The following HEMK2 variants were observed in gnomAD, a reference collection of about 807,000 sequenced individuals.
The protein encoded by HEMK2 is HemK methyltransferase 2, ETF1 glutamine and histone H4 lysine.
the HEMK2 span, among the ~76,000 whole-genome samples, chr21:28,733,645 C>A: frequency 2.0e-5 from 3 of 152,104 alleles, no homozygotes; most frequent in African/African-American, 4.8e-5. Flanking sequence ...CCCACTCCCC[C>A]CAACCCCATT....
the HEMK2 span, among the ~76,000 whole-genome samples, chr21:28,773,025 T>C: frequency 2.0e-5 from 3 of 152,152 alleles, no homozygotes; most frequent in Non-Finnish European, 2.9e-5. Context: ...GTTTGTTCTT[T>C]TGGTTTGTTT....
the HEMK2 span, among the ~76,000 whole-genome samples, chr21:28,652,770 C>T: frequency 6.6e-6 from 1 of 151,850 alleles, no homozygotes; most frequent in African/African-American, 2.4e-5. Context: ...GATAAAAGAC[C>T]ACAGCATTTA....
the HEMK2 span, among the ~76,000 whole-genome samples, chr21:28,603,898 T>A: frequency 6.6e-6 from 1 of 152,180 alleles, no homozygotes; most frequent in Non-Finnish European, 1.5e-5. Context: ...GATTCCAGAG[T>A]GCATGTCTAC....
the HEMK2 span, among the ~76,000 whole-genome samples, chr21:28,684,062 C>G: frequency 1.3e-5 from 2 of 152,302 alleles, no homozygotes; most frequent in Admixed American, 1.3e-4. Context: ...CTCCCATCTT[C>G]TGTGCTATGC....
At chr21:28,687,797 C>G in the HEMK2 span, among the ~76,000 whole-genome samples, 175 of 152,222 alleles carry the variant, frequency 1.1e-3, 1 homozygote, top group African/African-American at 3.8e-3. Context: ...CCAGGAAAAG[C>G]TTAAGGATGG....
the HEMK2 span, among the ~76,000 whole-genome samples, chr21:28,667,201 C>T: frequency 1.3e-5 from 2 of 152,080 alleles, no homozygotes; most frequent in South Asian, 2.1e-4. Flanking sequence ...TCTCCCTGTG[C>T]GAGCTGTATC....
chr21:28,625,009 T>C, the HEMK2 span, among the ~76,000 whole-genome samples: 3 of 152,252 alleles, frequency 2.0e-5, no homozygotes, highest in Non-Finnish European at 2.9e-5. Context: ...TTTGCATTTA[T>C]GCTACTTTGG....
At chr21:28,733,645 C>G in the HEMK2 span, among the ~76,000 whole-genome samples, 3 of 152,104 alleles carry the variant, frequency 2.0e-5, no homozygotes, top group Non-Finnish European at 2.9e-5. Context: ...CCCACTCCCC[C>G]CAACCCCATT....
chr21:28,802,864 T>A, the HEMK2 span, among the ~76,000 whole-genome samples: 6 of 152,128 alleles, frequency 3.9e-5, no homozygotes, highest in Admixed American at 6.6e-5. Context: ...AATAAATGAG[T>A]CTTATGACTG....
the HEMK2 span, among the ~76,000 whole-genome samples, chr21:28,835,122 GT>G: frequency 5.3e-5 from 8 of 152,048 alleles, no homozygotes; most frequent in Non-Finnish European, 1.0e-4. Context: ...CCCACCACCA[GT>G]TCCTCCCCAT....
At chr21:28,880,105 C>A in the HEMK2 span, 1 of 461,794 alleles carries the variant, frequency 2.2e-6, no homozygotes, top group Non-Finnish European at 3.8e-6. Flanking sequence ...TTTATGTTTT[C>A]ATTCAGAAAA....
the HEMK2 span, among the ~76,000 whole-genome samples, chr21:28,730,010 A>T: frequency 6.6e-6 from 1 of 152,148 alleles, no homozygotes; most frequent in East Asian, 1.9e-4. Flanking sequence ...TGAACACGAG[A>T]TTAGCCAGAC....
chr21:28,820,966 A>G, the HEMK2 span, among the ~76,000 whole-genome samples: 1 of 152,164 alleles, frequency 6.6e-6, no homozygotes, highest in African/African-American at 2.4e-5. Flanking sequence ...TTGTCTGAGC[A>G]TTCTCCCCTA....
chr21:28,847,711 T>C, the HEMK2 span, among the ~76,000 whole-genome samples: 5 of 152,186 alleles, frequency 3.3e-5, no homozygotes, highest in Non-Finnish European at 7.4e-5. Context: ...ATGTGCAAAA[T>C]GCTATTTCCT....
At chr21:28,738,156 G>C in the HEMK2 span, among the ~76,000 whole-genome samples, 1 of 152,288 alleles carries the variant, frequency 6.6e-6, no homozygotes, top group Middle Eastern at 3.4e-3. Flanking sequence ...TTCCACTTAT[G>C]TATGTGTTAT....
the HEMK2 span, among the ~76,000 whole-genome samples, chr21:28,637,110 CT>C: frequency 3.3e-5 from 5 of 152,174 alleles, no homozygotes; most frequent in African/African-American, 1.2e-4. Flanking sequence ...CATTTCCTCT[CT>C]TTGTTTTCAG....
chr21:28,670,112 G>T, the HEMK2 span, among the ~76,000 whole-genome samples: 12 of 151,916 alleles, frequency 7.9e-5, no homozygotes, highest in Non-Finnish European at 1.5e-5. Context: ...AATAGAAACA[G>T]ATTGTTGTAC....
the HEMK2 span, among the ~76,000 whole-genome samples, chr21:28,702,473 AC>A: frequency 6.6e-6 from 1 of 152,210 alleles, no homozygotes; most frequent in Non-Finnish European, 1.5e-5. Context: ...CATAAAACAT[AC>A]AACCCCATTA....
At chr21:28,771,864 C>T in the HEMK2 span, among the ~76,000 whole-genome samples, 1 of 151,788 alleles carries the variant, frequency 6.6e-6, no homozygotes, top group African/African-American at 2.4e-5. Context: ...CACATCCAAT[C>T]CTGCTTACTA....
Sources: allele counts gnomAD v4.1 joint callset (sites outside exome capture counted in the v4.1 genomes callset), GRCh38; gene constraint gnomAD v4.1.1; transcripts MANE v1.5; gene names NCBI Gene and HGNC (gene_info 2026-07-23, HGNC 2026-07-21).